TMPRSS5: variants seen among roughly 807,000 people sequenced by gnomAD.
TMPRSS5 encodes the protein transmembrane protease serine 5.
In TMPRSS5, 45 loss-of-function variants were observed where a neutral mutation model predicts 59.7. The observed-to-expected ratio is 0.75, with a 90% CI of 0.59 to 0.97. The LOEUF is 0.97. TMPRSS5 is among the 50% of genes least tolerant of loss of function. The probability of loss-of-function intolerance (pLI) is 0.00; values close to 1 mark genes in which losing one functional copy is unlikely to be tolerated. For synonymous variants in TMPRSS5, 225 were observed against 232.0 expected (o/e 0.97, Z 0.27); for missense variants, 585 against 596.7 (o/e 0.98, Z 0.20).
intron 3 of TMPRSS5, 61 bp from the exon 4 acceptor site, chr11:113,699,088 C>T (rs1426548496): frequency 6.4e-7 from 1 of 1,564,398 alleles, no homozygotes; most frequent in Non-Finnish European, 8.7e-7. Flanking sequence ...AGGTGCTGAC[C>T]TCCTCATCAG....
rs1953048688 is a variant in TMPRSS5, at chr11:113,699,280, T to TCCCCC, written c.206-254_206-253insGGGGG. ...CTCTCTCTCTCTCTCTCCCTCTCTC[T>TCCCCC]CTCTCTCTCTCTGTCTCTCTCTCTC... is the stretch of plus-strand genomic sequence containing the variant. On this transcript the variant is annotated intron_variant, in intron 3 of 12. Coordinates refer to ENST00000299882, the MANE Select transcript of TMPRSS5 (RefSeq NM_030770.4). Among the ~76,000 whole-genome samples the TCCCCC allele has an allele frequency of 1.1e-4, 15 of 136,046 alleles. 1 individual carries two copies. Among genetic ancestry groups the TCCCCC allele is most frequent in the East Asian group, 7.6e-4 (3 of 3,952 alleles). The allele number at this position is 136,046 out of a possible 152,430, so 89.3% of individuals were successfully genotyped here. A position where few individuals can be genotyped will look rare whatever the true frequency, so the allele number is the denominator to read the frequency against.
intron 4 of TMPRSS5, among the ~76,000 whole-genome samples, chr11:113,697,656 A>G (rs1181289581): frequency 9.2e-5 from 14 of 152,186 alleles, no homozygotes; most frequent in Admixed American, 5.2e-4. Context: ...GTGGTCTACC[A>G]TTCATTGTCA....
chr11:113,699,268 T>TCCCCC (rs1953043195), intron 3 of TMPRSS5, among the ~76,000 whole-genome samples: 1 of 66,764 alleles, frequency 1.5e-5, no homozygotes, highest in African/African-American at 6.7e-5. Context: ...TCTCTCTCTC[T>TCCCCC]CTCCCTCTCT....
At chr11:113,700,348 T>G (rs551188079) in intron 1 of TMPRSS5, among the ~76,000 whole-genome samples, 180 bp from the exon 2 acceptor site, 16 of 152,314 alleles carry the variant, frequency 1.1e-4, no homozygotes, top group Admixed American at 5.2e-4. Context: ...GGCTCCCCTG[T>G]GCCCTCCTGG....
chr11:113,700,635 T>C (rs936554563), intron 1 of TMPRSS5, among the ~76,000 whole-genome samples: 4 of 152,172 alleles, frequency 2.6e-5, no homozygotes, highest in Admixed American at 2.6e-4. Context: ...CACAGGTCAC[T>C]ATAGGGGACA....
intron 9 of TMPRSS5, 53 bp from the exon 10 acceptor site, chr11:113,690,992 G>C: frequency 6.7e-7 from 1 of 1,503,554 alleles, no homozygotes; most frequent in African/African-American, 1.4e-5. Context: ...TTCCCCCACT[G>C]CAGAGCCTGG....
At chr11:113,697,136 T>G in intron 5 of TMPRSS5, 147 bp downstream of exon 5, 5 of 1,282,548 alleles carry the variant, frequency 3.9e-6, no homozygotes, top group Non-Finnish European at 5.5e-6. Flanking sequence ...GGGGCACCAT[T>G]GTGCCCAGAG....
At chr11:113,694,391 G>A in intron 8 of TMPRSS5, 87 bp downstream of exon 8, 1 of 1,423,428 alleles carries the variant, frequency 7.0e-7, no homozygotes, top group South Asian at 1.3e-5. Context: ...GAGACAGTTG[G>A]ACACGAACAT....
chr11:113,706,040 G>C (rs1953281905), intron 1 of TMPRSS5, among the ~76,000 whole-genome samples, 182 bp downstream of exon 1: 1 of 152,178 alleles, frequency 6.6e-6, no homozygotes, highest in South Asian at 2.1e-4. Context: ...GGATAATAAA[G>C]GGCAGTCCCT....
chr11:113,706,146 T>A (rs1464088121), intron 1 of TMPRSS5, 76 bp downstream of exon 1: 8 of 1,537,686 alleles, frequency 5.2e-6, no homozygotes, highest in Non-Finnish European at 7.1e-6. Context: ...CAGCCTAGAA[T>A]CCCAAGGGCA....
At chr11:113,702,140 T>C (rs1407623527) in intron 1 of TMPRSS5, among the ~76,000 whole-genome samples, 1 of 152,240 alleles carries the variant, frequency 6.6e-6, no homozygotes, top group African/African-American at 2.4e-5. Flanking sequence ...TATGGCTGCA[T>C]AGTATTCCAT....
In TMPRSS5 at chr11:113,691,892, C is replaced by CTT. The variant is rs58784708; in HGVS notation, c.965-955_965-954dup. On this transcript the variant is annotated intron_variant, in intron 9 of 12. Transcript: ENST00000299882. ...AGAAAGTTTTCTTTTCCTTTTTTTT[C>CTT]TTTTTTTTTTTTTGAGACGGAGTCT... Among the ~76,000 whole-genome samples, 6 of 121,114 alleles carry CTT rather than the reference C, an allele frequency of 5.0e-5. 1 individual carries two copies. Among genetic ancestry groups the CTT allele is most frequent in the Admixed American group, 1.8e-4 (2 of 10,950 alleles). The allele number at this position is 121,114 out of a possible 152,430, so 79.5% of individuals were successfully genotyped here.
In TMPRSS5 at chr11:113,694,619, G is replaced by A. The variant is rs926289794; in HGVS notation, c.644C>T (p.Ala215Val). 1.3e-6 allele frequency: 2 copies of A among 1,549,710 alleles called. No homozygotes were observed. The highest frequency in any genetic ancestry group is 2.8e-5 in the African/African-American group (2 of 72,664). ...RCSECGARPL[A>V]SRIVGGQSVA... ...AGACTGCCCACCAACTATCCGGGAA[G>A]CCAGGGGCCTCGCTCCACACTCTGC... The change falls in exon 8 of 13, where the codon GCT (alanine) becomes GTT (valine). Residue 215 changes from alanine to valine, a missense_variant. Transcript: ENST00000299882.
chr11:113,696,077 C>T (rs1325626028), intron 6 of TMPRSS5, among the ~76,000 whole-genome samples: 3 of 152,138 alleles, frequency 2.0e-5, no homozygotes, highest in Non-Finnish European at 2.9e-5. Flanking sequence ...CTGGAGGAGT[C>T]AGCCCCACCC....
Position 113,699,270 on chromosome 11 carries a change from T to C in TMPRSS5, c.206-243A>G, listed in dbSNP as rs58949743. Reference sequence around the variant, plus strand: ...CTCTCTCTCTCTCTCTCTCTCTCTCTCCCTCTCTCTCTCTCTCTCTCTGTC... The same window carrying C: ...CTCTCTCTCTCTCTCTCTCTCTCTCCCCCTCTCTCTCTCTCTCTCTCTGTC... On this transcript the variant is annotated intron_variant, in intron 3 of 12. Transcript: ENST00000299882. Among the ~76,000 whole-genome samples the C allele has an allele frequency of 5.8e-3, 323 of 55,568 alleles. 11 individuals carry two copies. Among genetic ancestry groups the C allele is most frequent in the East Asian group, 0.034 (60 of 1,748 alleles). 36.5% of individuals were successfully genotyped at this position (55,568 alleles called of 152,430 possible).
chr11:113,705,807 G>A (rs976627020), intron 1 of TMPRSS5, among the ~76,000 whole-genome samples: 1 of 152,128 alleles, frequency 6.6e-6, no homozygotes, highest in Non-Finnish European at 1.5e-5. Flanking sequence ...TACCAAGGAA[G>A]CTTGGCTTTA....
Position 113,690,893 on chromosome 11 carries a change from C to T in TMPRSS5, c.1011G>A (p.Pro337=), listed in dbSNP as rs368166557. 21 of 1,597,932 alleles carry T rather than the reference C, an allele frequency of 1.3e-5. No individual in the cohort carries two copies. The highest frequency in any genetic ancestry group is 1.2e-4 in the African/African-American group (9 of 74,728). ...VCLPAKEQHF[P]KGSRCWVSGW... ...CAGACACCCAGCACCGCGAGCCCTT[C>T]GGAAAATGCTGTTCCTTGGCCGGCA... Residue 337 remains proline (P), a synonymous_variant, in exon 10 of 13, where the codon CCG becomes CCA. Transcript: ENST00000299882.
intron 9 of TMPRSS5, among the ~76,000 whole-genome samples, chr11:113,692,863 C>T (rs529173648): frequency 6.6e-6 from 1 of 152,140 alleles, no homozygotes; most frequent in Non-Finnish European, 1.5e-5. Flanking sequence ...GGGTCTGAAC[C>T]TCTTTTCCCA....
At chr11:113,692,657 T>G (rs1952814990) in intron 9 of TMPRSS5, among the ~76,000 whole-genome samples, 1 of 152,190 alleles carries the variant, frequency 6.6e-6, no homozygotes, top group South Asian at 2.1e-4. Context: ...ATCTACCTGT[T>G]TCAACTATCT....
Sources: gnomAD v4.1 joint callset for allele counts (sites outside exome capture counted in the v4.1 genomes callset) on GRCh38, gnomAD v4.1.1 for gene constraint, MANE v1.5 for transcripts, NCBI Gene and HGNC (gene_info 2026-07-23, HGNC 2026-07-21) for gene names.